Variants in VPS13B observed in about 807,000 individuals in gnomAD.
VPS13B encodes the protein intermembrane lipid transfer protein VPS13B.
In VPS13B, 285 loss-of-function variants were observed where a neutral mutation model predicts 426.4. That is an observed-to-expected ratio of 0.67 (90% confidence interval 0.61 to 0.74). The LOEUF (loss-of-function observed/expected upper bound fraction) is 0.74. Ranked by LOEUF, VPS13B falls within the 30% of genes least tolerant of loss-of-function variation. The pLI, the probability that VPS13B is intolerant of heterozygous loss-of-function variation, is 0.00. For missense variants in VPS13B, 4,537 were observed against 4,782.6 expected, an observed-to-expected ratio of 0.95 and a Z score of 1.51; for synonymous variants, 1,676 against 1,676.4, an observed-to-expected ratio of 1.00 and a Z score of 0.01.
At position 99,121,256 on chromosome 8, in the gene VPS13B, G is replaced by A; in HGVS notation, c.1017G>A (p.Glu339=). 1 of 1,614,138 alleles carries A rather than the reference G, an allele frequency of 6.2e-7. No individual in the cohort carries two copies. Among genetic ancestry groups the A allele is most frequent in the Non-Finnish European group, 8.5e-7 (1 of 1,180,026 alleles). ...AAGAGTTATATTCACAGCAAGATGA[G>A]GAGCAGCCACAGGGATGGGTGTCAT... The part of the protein sequence containing the change: ...KGQELYSQQD[E]EQPQGWVSWA... Residue 339 remains glutamate (E), a synonymous_variant, in exon 8 of 62, where the codon GAG becomes GAA. Coordinates refer to ENST00000357162, the MANE Select transcript of VPS13B (RefSeq NM_152564.5).
At chr8:99,379,904 G>A (rs1813700274) in intron 19 of VPS13B, among the ~76,000 whole-genome samples, 1 of 152,060 alleles carries the variant, frequency 6.6e-6, no homozygotes, top group African/African-American at 2.4e-5. Context: ...GTAGGTTTTA[G>A]AAAGATCTTT....
intron 19 of VPS13B, among the ~76,000 whole-genome samples, chr8:99,332,123 A>G (rs977571131): frequency 3.3e-5 from 5 of 151,588 alleles, no homozygotes; most frequent in South Asian, 2.1e-4. Context: ...TAACATATTG[A>G]TAAATCAGAC....
chr8:99,774,754 T>C (rs1320752797), intron 40 of VPS13B, among the ~76,000 whole-genome samples: 1 of 152,206 alleles, frequency 6.6e-6, no homozygotes, highest in African/African-American at 2.4e-5. Context: ...TCTGAATAAA[T>C]ACAAGTTTTA....
chr8:99,448,632 G>T (rs1020578258), intron 23 of VPS13B, among the ~76,000 whole-genome samples: 1 of 152,070 alleles, frequency 6.6e-6, no homozygotes, highest in Non-Finnish European at 1.5e-5. Context: ...TCAGTGTCAT[G>T]CCTGTATTCT....
At chr8:99,169,588 G>C (rs1812210262) in intron 15 of VPS13B, among the ~76,000 whole-genome samples, 1 of 151,726 alleles carries the variant, frequency 6.6e-6, no homozygotes, top group African/African-American at 2.4e-5. Flanking sequence ...CATTATACAA[G>C]GTGAAGACAA....
intron 15 of VPS13B, among the ~76,000 whole-genome samples, chr8:99,165,337 C>A (rs1235725885): frequency 2.6e-5 from 4 of 152,170 alleles, no homozygotes; most frequent in Admixed American, 2.0e-4. Flanking sequence ...AACCTCCTCT[C>A]CCCGAGAGAT....
At chr8:99,450,593 G>A (rs551864982) in intron 23 of VPS13B, among the ~76,000 whole-genome samples, 7 of 152,170 alleles carry the variant, frequency 4.6e-5, no homozygotes, top group Admixed American at 3.9e-4. Flanking sequence ...TGCGCCTGTA[G>A]TCCCAGCTAC....
At chr8:99,773,999 T>C (rs539839914) in intron 40 of VPS13B, among the ~76,000 whole-genome samples, 3 of 152,308 alleles carry the variant, frequency 2.0e-5, no homozygotes, top group East Asian at 3.9e-4. Context: ...GGGTCATCAC[T>C]CATATTTATG....
chr8:99,574,138 G>A (rs1419942706), intron 31 of VPS13B, among the ~76,000 whole-genome samples: 2 of 152,076 alleles, frequency 1.3e-5, no homozygotes, highest in Non-Finnish European at 2.9e-5. Flanking sequence ...TGTGATTTTT[G>A]CACATTGATT....
chr8:99,485,304 A>C (rs1820243771), intron 25 of VPS13B, among the ~76,000 whole-genome samples: 1 of 152,224 alleles, frequency 6.6e-6, no homozygotes, highest in Non-Finnish European at 1.5e-5. Flanking sequence ...AGGAGCTATA[A>C]TTATAAAATT....
At chr8:99,312,702 T>G (rs1821069925) in intron 19 of VPS13B, among the ~76,000 whole-genome samples, 1 of 152,210 alleles carries the variant, frequency 6.6e-6, no homozygotes, top group African/African-American at 2.4e-5. Flanking sequence ...TTTCCTGAAT[T>G]TGAATGTTGG....
intron 30 of VPS13B, among the ~76,000 whole-genome samples, chr8:99,542,958 C>T (rs1383939805): frequency 6.6e-6 from 1 of 152,162 alleles, no homozygotes; most frequent in Non-Finnish European, 1.5e-5. Flanking sequence ...TTGGAAAAAA[C>T]TACTTTAAAT....
intron 31 of VPS13B, among the ~76,000 whole-genome samples, chr8:99,574,423 A>G (rs1206270010): frequency 6.6e-6 from 1 of 152,122 alleles, no homozygotes; most frequent in Non-Finnish European, 1.5e-5. Flanking sequence ...ATTCAGTATG[A>G]TATTGGCTTG....
At chr8:99,862,091 T>C in intron 58 of VPS13B, 145 bp downstream of exon 58, 3 of 971,622 alleles carry the variant, frequency 3.1e-6, no homozygotes, top group Middle Eastern at 3.3e-4. Context: ...AGTTCTACAG[T>C]GCGTCCCGCC....
chr8:99,752,569 A>G (rs886539405), intron 39 of VPS13B, among the ~76,000 whole-genome samples: 2 of 152,246 alleles, frequency 1.3e-5, no homozygotes. Context: ...TTACAGGCAA[A>G]GTTTACTGAC....
At chr8:99,401,677 C>A (rs192633222) in intron 21 of VPS13B, among the ~76,000 whole-genome samples, 1 of 152,148 alleles carries the variant, frequency 6.6e-6, no homozygotes, top group East Asian at 1.9e-4. Context: ...ACCAGCCTGG[C>A]CAACATGGTG....
At chr8:99,067,129 C>T (rs1299706404) in intron 3 of VPS13B, among the ~76,000 whole-genome samples, 1 of 152,144 alleles carries the variant, frequency 6.6e-6, no homozygotes, top group Non-Finnish European at 1.5e-5. Context: ...TTGACCCAGC[C>T]ATCCCGTTAC....
chr8:99,688,399 G>A (rs748749538), intron 35 of VPS13B, among the ~76,000 whole-genome samples: 1 of 151,980 alleles, frequency 6.6e-6, no homozygotes, highest in Non-Finnish European at 1.5e-5. Context: ...GAGAGAAGGG[G>A]ATTGGAATCA....
intron 35 of VPS13B, among the ~76,000 whole-genome samples, chr8:99,682,810 C>T (rs1831209555): frequency 6.6e-6 from 1 of 152,260 alleles, no homozygotes; most frequent in East Asian, 1.9e-4. Context: ...TGTGTCCCTC[C>T]CTATAGGACA....
Sources: allele counts gnomAD v4.1 joint callset (sites outside exome capture counted in the v4.1 genomes callset), GRCh38; gene constraint gnomAD v4.1.1; transcripts MANE v1.5; gene names NCBI Gene and HGNC (gene_info 2026-07-23, HGNC 2026-07-21).